DNMBP: variants seen among roughly 807,000 people sequenced by gnomAD.
The protein encoded by DNMBP is dynamin binding protein, also known as dynamin-binding protein.
A neutral mutation model predicts 150.0 loss-of-function variants in DNMBP; 87 were observed. That is an observed-to-expected ratio of 0.58 (90% CI 0.49 to 0.69). The LOEUF is 0.69. DNMBP is among the 30% of genes least tolerant of loss of function. The pLI is 0.00. For missense variants in DNMBP, 1,774 were observed against 1,949.0 expected (o/e 0.91, Z 1.69); for synonymous variants, 711 against 750.4 (o/e 0.95, Z 0.86).
At chr10:99,918,386 G>A (rs1182046077) in intron 4 of DNMBP, among the ~76,000 whole-genome samples, 3 of 151,986 alleles carry the variant, frequency 2.0e-5, no homozygotes, top group African/African-American at 7.3e-5. Flanking sequence ...AACGTTCCTG[G>A]TGGCTTTTGC....
intron 4 of DNMBP, among the ~76,000 whole-genome samples, chr10:99,936,710 T>C (rs2040235960): frequency 6.6e-6 from 1 of 152,166 alleles, no homozygotes; most frequent in Non-Finnish European, 1.5e-5. Flanking sequence ...AATAAGCCTT[T>C]ATTTATTTAC....
In DNMBP at chr10:99,876,484, A is replaced by T. The variant is rs1399579295; in HGVS notation, c.*667T>A. The T allele has an allele frequency of 6.6e-6, 1 of 152,234 alleles. No homozygotes were observed. The highest frequency in any genetic ancestry group is 1.5e-5 in the Non-Finnish European group (1 of 68,040). 9.4% of individuals were successfully genotyped at this position (152,234 alleles called of 1,614,324 possible). A position where few individuals can be genotyped will look rare whatever the true frequency, so the allele number is the denominator to read the frequency against. ...TCAACAGAAAATAAAGACCCTAAAC[A>T]CTTCTAAAAGTAGAACGCAGTTGAA... On this transcript the variant is annotated 3_prime_UTR_variant, in exon 17 of 17. Transcript: ENST00000324109.
At chr10:99,914,040 C>T in intron 4 of DNMBP, 1 of 1,498,406 alleles carries the variant, frequency 6.7e-7, no homozygotes, top group Admixed American at 2.3e-5. Context: ...CTGGAATGCT[C>T]CACAACCCCC....
chr10:99,928,093 T>A (rs1005454930), intron 4 of DNMBP: 21 of 152,158 alleles, frequency 1.4e-4, no homozygotes, highest in African/African-American at 4.6e-4. Context: ...TAGGAAAAAA[T>A]GACTAGCTGC....
At chr10:99,991,855 G>A (rs1295864424) in intron 1 of DNMBP, among the ~76,000 whole-genome samples, 6 of 148,694 alleles carry the variant, frequency 4.0e-5, no homozygotes, top group Admixed American at 1.4e-4. Context: ...GCAGTGAGCC[G>A]AGATTGCACC....
chr10:99,934,499 T>C (rs2040202265), intron 4 of DNMBP, among the ~76,000 whole-genome samples: 1 of 137,616 alleles, frequency 7.3e-6, no homozygotes. Context: ...GTAAGTTTGC[T>C]TTGGGGTGAA....
intron 4 of DNMBP, among the ~76,000 whole-genome samples, chr10:99,922,203 G>A (rs1157142016): frequency 1.3e-5 from 2 of 152,026 alleles, no homozygotes; most frequent in African/African-American, 2.4e-5. Flanking sequence ...GTATCAGGGC[G>A]AATGAGTCAG....
intron 6 of DNMBP, among the ~76,000 whole-genome samples, chr10:99,904,688 G>C (rs1273393734): frequency 1.3e-5 from 2 of 152,066 alleles, no homozygotes; most frequent in Non-Finnish European, 1.5e-5. Context: ...TCAGTGTTGA[G>C]GCCTCTCTGC....
At chr10:99,917,811 A>G (rs2039980445) in intron 4 of DNMBP, among the ~76,000 whole-genome samples, 1 of 151,968 alleles carries the variant, frequency 6.6e-6, no homozygotes, top group Admixed American at 6.6e-5. Flanking sequence ...AAAAAATACA[A>G]AAATTAGCTG....
chr10:99,976,237 T>C (rs985043990), intron 1 of DNMBP, among the ~76,000 whole-genome samples: 4 of 152,222 alleles, frequency 2.6e-5, no homozygotes, highest in Non-Finnish European at 5.9e-5. Flanking sequence ...ATTTCAAACA[T>C]ATAAACTCTA....
chr10:99,999,320 G>C (rs184602314), intron 1 of DNMBP, among the ~76,000 whole-genome samples: 1 of 152,122 alleles, frequency 6.6e-6, no homozygotes. Context: ...TACAACTTTA[G>C]GGCAAGTTTC....
intron 3 of DNMBP, among the ~76,000 whole-genome samples, chr10:99,964,127 T>C (rs1042744115): frequency 7.4e-5 from 11 of 149,564 alleles, no homozygotes; most frequent in African/African-American, 2.5e-4. Context: ...CCTTGTCCTA[T>C]TCTCTCTCTT....
In DNMBP at chr10:99,956,759, C is replaced by T; in HGVS notation, c.715G>A (p.Glu239Lys). 1.2e-6 allele frequency: 2 copies of T among 1,614,182 alleles called. No homozygotes were observed. The highest frequency in any genetic ancestry group is 1.7e-6 in the Non-Finnish European group (2 of 1,180,018). The change falls in exon 4 of 17, where the codon GAG becomes AAG. Residue 239 changes from glutamate to lysine, a missense_variant. Physicochemically the swap from Glu to Lys is moderately conservative, Grantham distance 56. Coordinates refer to ENST00000324109, the MANE Select transcript of DNMBP (RefSeq NM_015221.4). ...TAGGTCCCTGGCTCCTCCTCATCCTCATCCGGCCCTATCTCTTCTTCTCCT... is the reference window on the plus strand; with the variant it reads ...TAGGTCCCTGGCTCCTCCTCATCCTTATCCGGCCCTATCTCTTCTTCTCCT... Reference protein sequence around the residue: ...PVGEEEIGPDEDEEEPGTYGV... With the variant: ...PVGEEEIGPDKDEEEPGTYGV...
At chr10:99,996,588 A>AT (rs1256947598) in intron 1 of DNMBP, among the ~76,000 whole-genome samples, 1 of 152,210 alleles carries the variant, frequency 6.6e-6, no homozygotes, top group African/African-American at 2.4e-5. Context: ...TCAAAGCAAA[A>AT]TCCTTACTTA....
At chr10:99,914,933 A>G (rs1282006217) in intron 4 of DNMBP, among the ~76,000 whole-genome samples, 1 of 151,292 alleles carries the variant, frequency 6.6e-6, no homozygotes, top group Non-Finnish European at 1.5e-5. Flanking sequence ...CTATACTAAT[A>G]ATACAAAAAA....
rs1485592331 is a variant in DNMBP, at chr10:99,877,119, G to A, written c.*32C>T. 1 of 1,576,614 alleles carries A rather than the reference G, an allele frequency of 6.3e-7. No individual in the cohort carries two copies. ...GAACCCTCGGCGGACTGAAAGCAAA[G>A]GCAGCAAGGCTGGGTGGCAGGCAAC... On this transcript the variant is annotated 3_prime_UTR_variant, in exon 17 of 17. Coordinates refer to ENST00000324109, the MANE Select transcript of DNMBP (RefSeq NM_015221.4).
In DNMBP at chr10:99,909,267, G is replaced by A. The variant is rs940898052; in HGVS notation, c.2261-121C>T. 6.7e-6 allele frequency: 5 copies of A among 746,448 alleles called. No homozygotes were observed. In the African/African-American group the frequency reaches 8.8e-5, roughly 13 times the overall value. 46.2% of individuals were successfully genotyped at this position (746,448 alleles called of 1,614,324 possible). A position where few individuals can be genotyped will look rare whatever the true frequency, so the allele number is the denominator to read the frequency against. Reference sequence around the variant, plus strand: ...AGGTCTCACTATTGTCAACCCTCAGGAAATCAGATCGCACATGTCAGTTGT... The same window carrying A: ...AGGTCTCACTATTGTCAACCCTCAGAAAATCAGATCGCACATGTCAGTTGT... On this transcript the variant is annotated intron_variant, in intron 4 of 16. Coordinates refer to ENST00000324109, the MANE Select transcript of DNMBP (RefSeq NM_015221.4).
At position 99,886,509 on chromosome 10, in the gene DNMBP, G is replaced by A. The variant is rs140571647; in HGVS notation, c.3409C>T (p.Arg1137Trp). 6.8e-6 allele frequency: 11 copies of A among 1,614,142 alleles called. No homozygotes were observed. The highest frequency in any genetic ancestry group is 2.2e-5 in the East Asian group (1 of 44,878). Residue 1137 changes from arginine to tryptophan, a missense_variant, in exon 13 of 17, where the codon CGG becomes TGG. Around this residue, in one of 2 missense-constraint regions of DNMBP, gnomAD observed 1,430 missense variants for 1,492.5 expected, o/e 0.96. Transcript: ENST00000324109. ...KLLDFYNCTE[R>W]AEKLKDKKTL... ...TTCTTGTCCTTTAGCTTTTCTGCCC[G>A]TTCTGTACAGTTATAGAAGTCCAGG...
At chr10:99,929,867 A>C in intron 4 of DNMBP, 1 of 703,010 alleles carries the variant, frequency 1.4e-6, no homozygotes, top group Non-Finnish European at 2.6e-6. Flanking sequence ...TTGGTATGTC[A>C]GTGCCATTAT....
Sources: gnomAD v4.1 joint callset for allele counts (sites outside exome capture counted in the v4.1 genomes callset) on GRCh38, gnomAD v4.1.1 for gene constraint, gnomAD v4.1.1 regional missense constraint, MANE v1.5 for transcripts, NCBI Gene and HGNC (gene_info 2026-07-23, HGNC 2026-07-21) for gene names.